LRRC4C: variants seen among roughly 807,000 people sequenced by gnomAD.
LRRC4C encodes leucine rich repeat containing 4C.
A neutral mutation model predicts 33.6 loss-of-function variants in LRRC4C; 5 were observed. That is an observed-to-expected ratio of 0.15 (90% CI 0.08 to 0.31). The LOEUF (loss-of-function observed/expected upper bound fraction) is 0.31, where lower values mean the gene tolerates loss of function less well. Ranked by LOEUF, LRRC4C falls within the 10% of genes least tolerant of loss-of-function variation. The pLI is 1.00. For missense variants in LRRC4C, 560 were observed against 796.7 expected (o/e 0.70, Z 3.58); for synonymous variants, 329 against 302.0 (o/e 1.09, Z -0.93).
chr11:40,127,874 C>G (rs1856369112), intron 6 of LRRC4C, among the ~76,000 whole-genome samples: 1 of 152,200 alleles, frequency 6.6e-6, no homozygotes, highest in South Asian at 2.1e-4. Flanking sequence ...AATCTCTGAT[C>G]TGCAAGTCAG....
chr11:41,022,934 T>C (rs1565310406), intron 1 of LRRC4C, among the ~76,000 whole-genome samples: 1 of 152,104 alleles, frequency 6.6e-6, no homozygotes, highest in Middle Eastern at 3.4e-3. Flanking sequence ...GGTCAGAGGT[T>C]AGTGCCAGTG....
At chr11:40,116,460 T>C in intron 6 of LRRC4C, 126 bp from the exon 7 acceptor site, 2 of 977,294 alleles carry the variant, frequency 2.0e-6, no homozygotes, top group East Asian at 2.7e-5. Context: ...TAAAAACAAA[T>C]CTAATATCCT....
At chr11:41,146,919 T>A (rs1423886784) in intron 1 of LRRC4C, among the ~76,000 whole-genome samples, 1 of 152,222 alleles carries the variant, frequency 6.6e-6, no homozygotes, top group Non-Finnish European at 1.5e-5. Context: ...CATGAAAAAT[T>A]CTGGGTTCAG....
At chr11:40,964,129 A>G (rs1443869539) in intron 1 of LRRC4C, among the ~76,000 whole-genome samples, 3 of 151,668 alleles carry the variant, frequency 2.0e-5, no homozygotes, top group Non-Finnish European at 4.4e-5. Flanking sequence ...CAATAGTATG[A>G]ACCTCATAGA....
At chr11:40,894,532 G>A (rs773130287) in intron 2 of LRRC4C, among the ~76,000 whole-genome samples, 6 of 152,134 alleles carry the variant, frequency 3.9e-5, no homozygotes, top group Non-Finnish European at 8.8e-5. Flanking sequence ...GAAAGAATTT[G>A]ATTATGGGAT....
intron 1 of LRRC4C, among the ~76,000 whole-genome samples, chr11:40,965,784 G>C (rs543552159): frequency 4.5e-4 from 69 of 152,258 alleles, no homozygotes; most frequent in African/African-American, 1.6e-3. Context: ...TTGGAGTATA[G>C]TTTGAAGTCA....
chr11:40,515,865 T>C (rs1055444273), intron 3 of LRRC4C, among the ~76,000 whole-genome samples: 17 of 152,070 alleles, frequency 1.1e-4, no homozygotes, highest in African/African-American at 3.9e-4. Context: ...GAATGTACTT[T>C]CATGATTAAG....
chr11:40,445,025 G>C (rs1951566810), intron 3 of LRRC4C, among the ~76,000 whole-genome samples: 2 of 152,180 alleles, frequency 1.3e-5, no homozygotes, highest in African/African-American at 2.4e-5. Flanking sequence ...GTCAACTTTG[G>C]GGTCATCTGA....
intron 1 of LRRC4C, among the ~76,000 whole-genome samples, chr11:41,204,900 G>T (rs2136282956): frequency 6.6e-6 from 1 of 152,258 alleles, no homozygotes; most frequent in African/African-American, 2.4e-5. Context: ...TGTATTAAAG[G>T]GGTGAGATAT....
At chr11:40,813,921 G>A (rs779580249) in intron 2 of LRRC4C, among the ~76,000 whole-genome samples, 1 of 152,204 alleles carries the variant, frequency 6.6e-6, no homozygotes, top group Non-Finnish European at 1.5e-5. Context: ...GCATGTTGAT[G>A]CAAGAGGTGG....
chr11:41,231,681 G>A (rs1413066959), intron 1 of LRRC4C, among the ~76,000 whole-genome samples: 1 of 151,750 alleles, frequency 6.6e-6, no homozygotes, highest in Non-Finnish European at 1.5e-5. Flanking sequence ...GCGTTAATGG[G>A]TGCAGCACAC....
chr11:40,890,070 G>T (rs1036588988), intron 2 of LRRC4C, among the ~76,000 whole-genome samples: 1 of 152,010 alleles, frequency 6.6e-6, no homozygotes, highest in African/African-American at 2.4e-5. Flanking sequence ...TACCTTCCTT[G>T]CATCTTCAGA....
chr11:40,365,838 T>C (rs1948183721), intron 3 of LRRC4C, among the ~76,000 whole-genome samples: 1 of 152,112 alleles, frequency 6.6e-6, no homozygotes, highest in African/African-American at 2.4e-5. Context: ...ATCTCCATTT[T>C]ACTTATTATA....
intron 2 of LRRC4C, among the ~76,000 whole-genome samples, chr11:40,873,826 C>T (rs1335192394): frequency 6.6e-6 from 1 of 152,128 alleles, no homozygotes; most frequent in African/African-American, 2.4e-5. Flanking sequence ...CATCGCATTT[C>T]GAATTACAGA....
intron 1 of LRRC4C, among the ~76,000 whole-genome samples, chr11:41,412,678 C>G (rs1210310366): frequency 6.6e-6 from 1 of 152,130 alleles, no homozygotes; most frequent in Non-Finnish European, 1.5e-5. Context: ...TTCTCCTGAG[C>G]CAGGACTTGA....
chr11:41,198,494 T>C (rs892219973), intron 1 of LRRC4C, among the ~76,000 whole-genome samples: 1 of 152,054 alleles, frequency 6.6e-6, no homozygotes, highest in Non-Finnish European at 1.5e-5. Context: ...ATGCAGCTTT[T>C]GCTTTGAGGA....
chr11:40,605,579 G>A (rs762003331), intron 3 of LRRC4C, among the ~76,000 whole-genome samples: 2 of 152,102 alleles, frequency 1.3e-5, no homozygotes, highest in Admixed American at 6.6e-5. Flanking sequence ...GGACTCAGAG[G>A]AAAGTTCCAG....
rs184720439 is a variant in LRRC4C at position 40,178,127 on chromosome 11, C to T, written c.-95-37274G>A. Among the ~76,000 whole-genome samples the T allele has an allele frequency of 2.4e-4, 37 of 152,244 alleles. No individual in the cohort carries two copies. In the East Asian group the frequency reaches 6.6e-3, roughly 27 times the overall value. On this transcript the variant is annotated intron_variant, in intron 5 of 6. Coordinates refer to ENST00000528697, the MANE Select transcript of LRRC4C (RefSeq NM_001258419.2). ...ATGTCAATAGCATGAGTCAAATAGGCCGCCACGACATCTTATTGCCATCTG... is the reference window on the plus strand; with the variant it reads ...ATGTCAATAGCATGAGTCAAATAGGTCGCCACGACATCTTATTGCCATCTG...
intron 3 of LRRC4C, among the ~76,000 whole-genome samples, chr11:40,478,793 C>G (rs1953386551): frequency 6.6e-6 from 1 of 152,074 alleles, no homozygotes; most frequent in Non-Finnish European, 1.5e-5. Flanking sequence ...TCTGTTTCTT[C>G]TTCCTCCTCA....
Sources: allele counts gnomAD v4.1 joint callset (sites outside exome capture counted in the v4.1 genomes callset), GRCh38; gene constraint gnomAD v4.1.1; transcripts MANE v1.5; gene names NCBI Gene and HGNC (gene_info 2026-07-23, HGNC 2026-07-21).